Variants in RNF220 observed in about 807,000 individuals in gnomAD.
RNF220 encodes the protein ring finger protein 220, also known as E3 ubiquitin-protein ligase RNF220.
A neutral mutation model predicts 67.1 loss-of-function variants in RNF220; 7 were observed. That is an observed-to-expected ratio of 0.10 (90% CI 0.06 to 0.20). RNF220 has a LOEUF of 0.20. Ranked by LOEUF, RNF220 falls within the 10% of genes least tolerant of loss-of-function variation. The probability of loss-of-function intolerance (pLI) is 1.00; values close to 1 mark genes in which losing one functional copy is unlikely to be tolerated. For synonymous variants in RNF220, 270 were observed against 283.2 expected (o/e 0.95, Z 0.47); for missense variants, 565 against 740.3 (o/e 0.76, Z 2.75).
rs1230574371 is a variant in RNF220, at chr1:44,645,718, C to T, written c.1445+230C>T. On this transcript the variant is annotated intron_variant, in intron 12 of 14. Transcript: ENST00000361799. This position sits in a 1 kb window ranked among gnomAD's most constrained non-coding sequence, Gnocchi z 5.0. ...CCTTGGCGGTGGGAGGAGCAGTCCA[C>T]CCGCCTGCCTGCCTGCCTGCCCGCC... Among the ~76,000 whole-genome samples the T allele has an allele frequency of 6.6e-6, 1 of 152,196 alleles. No individual in the cohort carries two copies. The highest frequency in any genetic ancestry group is 6.5e-5 in the Admixed American group (1 of 15,290).
At chr1:44,491,864 A>T (rs1656886090) in intron 2 of RNF220, among the ~76,000 whole-genome samples, 1 of 152,040 alleles carries the variant, frequency 6.6e-6, no homozygotes, top group African/African-American at 2.4e-5. Context: ...AGGTCTTGCC[A>T]TGTTGGCCAG....
In RNF220 at chr1:44,407,185, G is replaced by C. The variant is rs936021110; in HGVS notation, c.-118+1655G>C. Among the ~76,000 whole-genome samples, 195 of 152,276 alleles carry C rather than the reference G, an allele frequency of 1.3e-3. 1 individual carries two copies. The highest frequency in any genetic ancestry group is 6.8e-3 in the Middle Eastern group (2 of 294). ...GGCCCACTGGCCCGGGAGCCGCCGA[G>C]GGGGAGAGCACCGCACTCGCTGCCC... On this transcript the variant is annotated intron_variant, in intron 1 of 14. Coordinates refer to ENST00000361799, the MANE Select transcript of RNF220 (RefSeq NM_018150.4).
intron 1 of RNF220, 88 bp downstream of exon 1, chr1:44,405,618 A>G (rs1647256684): frequency 3.5e-6 from 1 of 281,954 alleles, no homozygotes; most frequent in African/African-American, 2.2e-5. Context: ...GAACCTGGCT[A>G]ACTTTCCGGG....
intron 7 of RNF220, 22 bp downstream of exon 7, chr1:44,635,610 C>A: frequency 3.7e-6 from 6 of 1,614,172 alleles, no homozygotes; most frequent in Non-Finnish European, 5.1e-6. Flanking sequence ...GTGCAACCGC[C>A]CCCTGGCAGG....
intron 2 of RNF220, among the ~76,000 whole-genome samples, chr1:44,449,557 G>A (rs1343958635): frequency 6.6e-6 from 1 of 152,054 alleles, no homozygotes; most frequent in Non-Finnish European, 1.5e-5. Context: ...GGGATTACAG[G>A]CATGTGCCAC....
intron 2 of RNF220, among the ~76,000 whole-genome samples, chr1:44,463,413 T>G (rs1653976586): frequency 6.6e-6 from 1 of 152,160 alleles, no homozygotes; most frequent in Admixed American, 6.5e-5. Flanking sequence ...AATTATGTCA[T>G]TGGAATATTT....
chr1:44,438,485 T>C (rs1651210882), intron 2 of RNF220, among the ~76,000 whole-genome samples: 1 of 152,216 alleles, frequency 6.6e-6, no homozygotes, highest in Non-Finnish European at 1.5e-5. Flanking sequence ...GTAAAATTGG[T>C]ACTCTGGTAC....
chr1:44,617,462 G>A (rs1643605046), intron 3 of RNF220, among the ~76,000 whole-genome samples: 1 of 152,242 alleles, frequency 6.6e-6, no homozygotes, highest in African/African-American at 2.4e-5. Context: ...CGAATTAATT[G>A]ATTTCAGGAA....
intron 2 of RNF220, among the ~76,000 whole-genome samples, chr1:44,469,757 GATTAGGATGA>G (rs1261348694): frequency 2.6e-5 from 4 of 152,204 alleles, no homozygotes; most frequent in African/African-American, 9.6e-5. Flanking sequence ...AAGTTGAACT[GATTAGGATGA>G]ATAGGCGTTT....
intron 2 of RNF220, among the ~76,000 whole-genome samples, chr1:44,446,401 G>A (rs7518522): frequency 0.52 from 79,296 of 151,944 alleles, 21,760 homozygotes; most frequent in Non-Finnish European, 0.6. Context: ...GTGTGAACGT[G>A]ACTGGGAAAA....
intron 8 of RNF220, 26 bp from the exon 9 acceptor site, chr1:44,644,672 C>A (rs1317210041): frequency 6.3e-7 from 1 of 1,599,426 alleles, no homozygotes; most frequent in Non-Finnish European, 8.6e-7. Context: ...TGTCCCCAGG[C>A]CCTCCTCACA....
chr1:44,502,157 T>TCTCTCA (rs1347212539), intron 2 of RNF220, among the ~76,000 whole-genome samples: 3 of 144,072 alleles, frequency 2.1e-5, no homozygotes, highest in African/African-American at 7.8e-5. Flanking sequence ...TCTCTCTCTC[T>TCTCTCA]CACACACACA....
intron 2 of RNF220, among the ~76,000 whole-genome samples, chr1:44,487,250 A>G (rs1656390170): frequency 6.6e-6 from 1 of 152,082 alleles, no homozygotes; most frequent in African/African-American, 2.4e-5. Context: ...CAGGAGAATC[A>G]CTTGAACCTG....
At chr1:44,539,969 CCT>C (rs1374193164) in intron 2 of RNF220, among the ~76,000 whole-genome samples, 1 of 152,198 alleles carries the variant, frequency 6.6e-6, no homozygotes, top group Non-Finnish European at 1.5e-5. Flanking sequence ...ACTAACCTGA[CCT>C]CTGTCTAGCC....
intron 2 of RNF220, among the ~76,000 whole-genome samples, chr1:44,461,304 C>G (rs921000100): frequency 1.1e-4 from 16 of 152,154 alleles, no homozygotes; most frequent in African/African-American, 3.9e-4. Flanking sequence ...CCCTTACTTG[C>G]ATGAACTCCT....
chr1:44,461,546 G>C lies in RNF220; in HGVS notation c.625+48824G>C, dbSNP rs191614305. On this transcript the variant is annotated intron_variant, in intron 2 of 14. Transcript: ENST00000361799. The stretch of plus-strand genomic sequence containing the variant: ...TTTATTTGAGTATATTTTGTATTTA[G>C]TTGATGCATCTGTTTATGTGGTTTG... Among the ~76,000 whole-genome samples the C allele has an allele frequency of 1.2e-4, 19 of 152,228 alleles. No homozygotes were observed. In the East Asian group the frequency reaches 3.5e-3, roughly 28 times the overall value.
At chr1:44,572,661 C>T (rs138015235) in intron 2 of RNF220, among the ~76,000 whole-genome samples, 56 of 152,014 alleles carry the variant, frequency 3.7e-4, no homozygotes, top group East Asian at 3.3e-3. Flanking sequence ...AGCCATTCTC[C>T]CAGGCAGGTC....
At chr1:44,506,805 C>T (rs1311524170) in intron 2 of RNF220, among the ~76,000 whole-genome samples, 4 of 152,196 alleles carry the variant, frequency 2.6e-5, no homozygotes, top group African/African-American at 7.2e-5. Context: ...TCCTTGGAAA[C>T]GTTCTGCCTC....
intron 2 of RNF220, among the ~76,000 whole-genome samples, chr1:44,550,602 C>A (rs1325138271): frequency 1.3e-5 from 2 of 152,166 alleles, no homozygotes; most frequent in Non-Finnish European, 2.9e-5. Flanking sequence ...TGCTTTCCAT[C>A]CTTACGAGTA....
Sources: allele counts gnomAD v4.1 joint callset (sites outside exome capture counted in the v4.1 genomes callset), GRCh38; gene constraint gnomAD v4.1.1; non-coding constraint Gnocchi (gnomAD v3.1); transcripts MANE v1.5; gene names NCBI Gene and HGNC (gene_info 2026-07-23, HGNC 2026-07-21).